RNASEH1: variants seen among roughly 807,000 people sequenced by gnomAD.
The protein encoded by RNASEH1 is ribonuclease H1.
A neutral mutation model predicts 34.6 loss-of-function variants in RNASEH1; 27 were observed. The ratio of observed to expected loss-of-function variants is 0.78; its 90% CI spans 0.58 to 1.08. RNASEH1 has a LOEUF of 1.08. Ranked by LOEUF, RNASEH1 falls within the 50% of genes least tolerant of loss-of-function variation. The pLI is 0.00. For missense variants in RNASEH1, 349 were observed against 373.6 expected (o/e 0.93, Z 0.54); for synonymous variants, 162 against 138.4 (o/e 1.17, Z -1.20).
chr2:3,550,315 T>A (rs1669170467), intron 4 of RNASEH1, 58 bp downstream of exon 4: 3 of 1,353,696 alleles, frequency 2.2e-6, no homozygotes, highest in Non-Finnish European at 2.1e-6. Flanking sequence ...AGATCCCGCC[T>A]CATCTTTTCA....
At chr2:3,549,241 C>T (rs1024238453) in intron 4 of RNASEH1, 129 bp from the exon 5 acceptor site, 1 of 796,166 alleles carries the variant, frequency 1.3e-6, no homozygotes, top group East Asian at 2.5e-5. Context: ...AAAAATCAAA[C>T]TAACAGACTC....
intron 4 of RNASEH1, chr2:3,550,142 T>TAAAAA (rs1162099553): frequency 1.0e-3 from 249 of 241,208 alleles, no homozygotes; most frequent in South Asian, 2.9e-3. Context: ...GACCGTGTCT[T>TAAAAA]AAAAAAAAAA....
At chr2:3,533,509 C>G in the RNASEH1 span, 7 of 152,430 alleles carry the variant, frequency 4.6e-5, no homozygotes, top group African/African-American at 1.7e-4. Flanking sequence ...CTGAGAGTTC[C>G]ACAGTGACAA....
At chr2:3,556,671 A>C in intron 2 of RNASEH1, 118 bp downstream of exon 2, 2 of 652,438 alleles carry the variant, frequency 3.1e-6, no homozygotes, top group Non-Finnish European at 5.5e-6. Flanking sequence ...TGTAAAATGA[A>C]AACAATCACA....
the RNASEH1 span, among the ~76,000 whole-genome samples, chr2:3,536,086 A>G: frequency 1.3e-5 from 2 of 152,156 alleles, no homozygotes. Flanking sequence ...GAAAAAGAAC[A>G]TTGCCAGCAG....
intron 4 of RNASEH1, chr2:3,550,164 AAAAG>A: frequency 8.2e-6 from 4 of 487,502 alleles, no homozygotes; most frequent in South Asian, 2.3e-5. Flanking sequence ...AAAAAAAAAA[AAAAG>A]CAAAGGAAGT....
intron 1 of RNASEH1, 75 bp downstream of exon 1, chr2:3,558,058 C>T: frequency 1.3e-6 from 2 of 1,491,154 alleles, no homozygotes; most frequent in South Asian, 1.3e-5. Context: ...GCTCCCGCCG[C>T]CGGGGTTAGC....
chr2:3,557,973 C>A, intron 1 of RNASEH1, 160 bp downstream of exon 1: 1 of 1,495,882 alleles, frequency 6.7e-7, no homozygotes, highest in Non-Finnish European at 8.9e-7. Flanking sequence ...TGGAACCCCG[C>A]CGGCCGAGCA....
chr2:3,538,309 A>T (rs1012667958), downstream of RNASEH1, among the ~76,000 whole-genome samples: 3 of 151,892 alleles, frequency 2.0e-5, no homozygotes, highest in Admixed American at 6.6e-5. Flanking sequence ...CCGAGATGGC[A>T]CCACTGCACT....
At chr2:3,536,309 C>T in the RNASEH1 span, among the ~76,000 whole-genome samples, 1 of 152,314 alleles carries the variant, frequency 6.6e-6, no homozygotes, top group East Asian at 1.9e-4. Flanking sequence ...GCTGCAGTTT[C>T]CTCCCTGTAA....
In RNASEH1 at chr2:3,549,418, A is replaced by G. The variant is rs1271319001; in HGVS notation, c.510-306T>C. On this transcript the variant is annotated intron_variant, in intron 4 of 7. Transcript: ENST00000315212. ...AAAACTCGGGAAGAAGAATGGAGAG[A>G]GTGAGACTTCAGATTGAAACTACTA... Among the ~76,000 whole-genome samples the G allele has an allele frequency of 2.0e-5, 3 of 152,226 alleles. No individual in the cohort carries two copies. The East Asian group carries it at 5.8e-4, about 29-fold the overall frequency.
At chr2:3,531,984 T>C in the RNASEH1 span, 6 of 442,702 alleles carry the variant, frequency 1.4e-5, no homozygotes, top group African/African-American at 7.9e-5. Context: ...CACTGCGACA[T>C]AGGTGTCTGG....
chr2:3,553,692 A>G (rs542064816), intron 2 of RNASEH1, among the ~76,000 whole-genome samples: 4 of 152,292 alleles, frequency 2.6e-5, no homozygotes, highest in African/African-American at 9.6e-5. Flanking sequence ...GCCCGGCCCC[A>G]AAGAGATTCT....
rs1339832257 is a variant in RNASEH1 at position 3,545,765 on chromosome 2, A to G, written c.*20T>C. On this transcript the variant is annotated 3_prime_UTR_variant, in exon 8 of 8. Transcript: ENST00000315212. ...GACAGCCGCTGGCTCAAGTTCTCCC[A>G]AGGACTAAAGTCACATGGCTCAGTC... 1.9e-6 allele frequency: 3 copies of G among 1,582,974 alleles called. No homozygotes were observed. Among genetic ancestry groups the G allele is most frequent in the Admixed American group, 1.7e-5 (1 of 59,984 alleles).
chr2:3,550,339 A>G (rs1413482189), intron 4 of RNASEH1, 34 bp downstream of exon 4: 16 of 1,491,660 alleles, frequency 1.1e-5, no homozygotes, highest in Non-Finnish European at 1.5e-5. Flanking sequence ...GTTGTGGAAC[A>G]TGATTCAGTA....
At position 3,547,871 on chromosome 2, in the gene RNASEH1, T is replaced by C. The variant is rs1668906469; in HGVS notation, c.774+60A>G. 2.0e-6 allele frequency: 3 copies of C among 1,517,400 alleles called. No individual in the cohort carries two copies. The African/African-American group carries it at 4.1e-5, about 21-fold the overall frequency. 94.0% of individuals were successfully genotyped at this position (1,517,400 alleles called of 1,614,324 possible). A position where few individuals can be genotyped will look rare whatever the true frequency, so the allele number is the denominator to read the frequency against. On this transcript the variant is annotated intron_variant, in intron 7 of 7. Coordinates refer to ENST00000315212, the MANE Select transcript of RNASEH1 (RefSeq NM_002936.6). ...ACCACTTACATAAACCATTAATCTC[T>C]AGTAAACTTAGCTTATTTGGTCATA...
In RNASEH1 at chr2:3,551,694, C is replaced by G. The variant is rs189471535; in HGVS notation, c.409+450G>C. Reference sequence around the variant, plus strand: ...GAGTCACTAAATACATAACTGATTCCTGGAGTGAAAGGTAGCAGAAAAGTT... The same window carrying G: ...GAGTCACTAAATACATAACTGATTCGTGGAGTGAAAGGTAGCAGAAAAGTT... On this transcript the variant is annotated intron_variant, in intron 3 of 7. Coordinates refer to ENST00000315212, the MANE Select transcript of RNASEH1 (RefSeq NM_002936.6). Among the ~76,000 whole-genome samples the G allele has an allele frequency of 6.6e-5, 10 of 152,276 alleles. No individual in the cohort carries two copies. In the East Asian group the frequency reaches 1.9e-3, roughly 29 times the overall value.
chr2:3,533,924 T>C, the RNASEH1 span: 103,591 of 152,200 alleles, frequency 0.68, 36,261 homozygotes, highest in African/African-American at 0.84. Context: ...AAGCCAAAGA[T>C]AGCCTGAAGC....
intron 3 of RNASEH1, among the ~76,000 whole-genome samples, chr2:3,550,845 G>A (rs1293122918): frequency 3.3e-5 from 5 of 152,152 alleles, no homozygotes; most frequent in East Asian, 3.9e-4. Flanking sequence ...GACGAGCAGC[G>A]CCTCAGCATG....
Sources: allele counts gnomAD v4.1 joint callset (sites outside exome capture counted in the v4.1 genomes callset), GRCh38; gene constraint gnomAD v4.1.1; transcripts MANE v1.5; gene names NCBI Gene and HGNC (gene_info 2026-07-23, HGNC 2026-07-21).